Variants in UBE2N observed in about 807,000 individuals in gnomAD.
UBE2N encodes the protein ubiquitin-conjugating enzyme E2 N.
For missense variants in UBE2N, 60 were observed against 192.1 expected (o/e 0.31, Z 4.07); for synonymous variants, 70 against 69.2 (o/e 1.01, Z -0.06).
intron 1 of UBE2N, among the ~76,000 whole-genome samples, chr12:93,440,593 C>A (rs1879069533): frequency 1.3e-5 from 2 of 152,194 alleles, no homozygotes; most frequent in Non-Finnish European, 2.9e-5. Flanking sequence ...ACTTAGTATG[C>A]ATCTCCCCAC....
intron 1 of UBE2N, chr12:93,429,281 AAG>A: frequency 4.7e-6 from 2 of 423,706 alleles, no homozygotes; most frequent in Non-Finnish European, 9.2e-6. Context: ...AAAAAAAAAA[AAG>A]AAAGAAAGAA....
intron 1 of UBE2N, among the ~76,000 whole-genome samples, chr12:93,425,090 G>A (rs369764355): frequency 1.7e-4 from 26 of 152,276 alleles, no homozygotes; most frequent in East Asian, 7.7e-4. Context: ...TCAGTATTAC[G>A]TTAGGGTCTG....
intron 1 of UBE2N, among the ~76,000 whole-genome samples, chr12:93,412,677 T>G (rs920099602): frequency 6.6e-6 from 1 of 152,226 alleles, no homozygotes; most frequent in Non-Finnish European, 1.5e-5. Context: ...TCTCACATTC[T>G]GTATTTGTCC....
At chr12:93,433,090 G>A (rs918677402) in intron 1 of UBE2N, among the ~76,000 whole-genome samples, 37 of 151,732 alleles carry the variant, frequency 2.4e-4, no homozygotes, top group African/African-American at 6.3e-4. Context: ...CCACCACCAC[G>A]CCCAGCTAAT....
At chr12:93,434,819 G>GT (rs144759524) in intron 1 of UBE2N, among the ~76,000 whole-genome samples, 6,300 of 152,190 alleles carry the variant, frequency 0.041, 447 homozygotes, top group African/African-American at 0.14. Flanking sequence ...TTTTTTACAA[G>GT]TTTTTTCTTA....
rs1423142378 is a variant in UBE2N, at chr12:93,441,864, C to T, written c.21G>A (p.Arg7=). Residue 7 remains arginine, a synonymous_variant, in exon 1 of 4, where the codon AGG becomes AGA. Coordinates refer to ENST00000318066, the MANE Select transcript of UBE2N (RefSeq NM_003348.4). ...CGGCCTGGGCGGTTACCTTGATGAT[C>T]CTGCGGGGCAGCCCGGCCATCTTGT... MAGLPR[R]IIKETQRLLA... The T allele has an allele frequency of 6.3e-7, 1 of 1,578,840 alleles. No homozygotes were observed. Among genetic ancestry groups the T allele is most frequent in the Non-Finnish European group, 8.6e-7 (1 of 1,165,180 alleles).
intron 1 of UBE2N, among the ~76,000 whole-genome samples, chr12:93,420,331 CCAGATCAATATTTCTG>C (rs1268608657): frequency 1.3e-5 from 2 of 152,110 alleles, no homozygotes; most frequent in African/African-American, 4.8e-5. Flanking sequence ...CAAACCTAGA[CCAGATCAATATTTCTG>C]TGAAGCTCAG....
rs150080739 is a variant in UBE2N at position 93,406,580 on chromosome 12, G to A, written c.*3459C>T. 1.9e-3 allele frequency: 283 copies of A among 152,296 alleles called. No individual in the cohort carries two copies. Among genetic ancestry groups the A allele is most frequent in the Admixed American group, 4.3e-3 (66 of 15,294 alleles). The allele number at this position is 152,296 out of a possible 1,614,324, so 9.4% of individuals were successfully genotyped here. A position where few individuals can be genotyped will look rare whatever the true frequency, so the allele number is the denominator to read the frequency against. On this transcript the variant is annotated 3_prime_UTR_variant, in exon 4 of 4. Transcript: ENST00000318066. ...CTCCATATCCATGGGTTCCACTTCC[G>A]TGGATTCAAACAACCAGACAAAATA... is the stretch of plus-strand genomic sequence containing the variant.
At chr12:93,417,628 T>C (rs1167985437) in intron 1 of UBE2N, among the ~76,000 whole-genome samples, 1 of 152,204 alleles carries the variant, frequency 6.6e-6, no homozygotes, top group Non-Finnish European at 1.5e-5. Flanking sequence ...ACCAGTAATA[T>C]CAACTGTAGA....
chr12:93,434,547 C>T (rs1188874415), intron 1 of UBE2N, among the ~76,000 whole-genome samples: 2 of 152,180 alleles, frequency 1.3e-5, no homozygotes, highest in Non-Finnish European at 1.5e-5. Context: ...TTCAGTTATG[C>T]TCACATTTCA....
intron 1 of UBE2N, among the ~76,000 whole-genome samples, chr12:93,426,813 A>C (rs781083358): frequency 1.2e-4 from 18 of 152,060 alleles, no homozygotes; most frequent in Admixed American, 2.6e-4. Context: ...AGGGAGTGTT[A>C]AGGGAAAACT....
chr12:93,441,708 C>A, intron 1 of UBE2N, 147 bp downstream of exon 1: 1 of 1,110,360 alleles, frequency 9.0e-7, no homozygotes, highest in Non-Finnish European at 1.2e-6. Flanking sequence ...CACCCGACTT[C>A]CCTCGCCGCC....
Position 93,405,693 on chromosome 12 carries a change from T to C in UBE2N, c.*4346A>G, listed in dbSNP as rs1476625801. ...AACAATATATTACTAGTCCAGGTGG[T>C]AGATGACAGATTTTTATTATTTACA... is the stretch of plus-strand genomic sequence containing the variant. On this transcript the variant is annotated 3_prime_UTR_variant, in exon 4 of 4. Coordinates refer to ENST00000318066, the MANE Select transcript of UBE2N (RefSeq NM_003348.4). The C allele has an allele frequency of 6.6e-6, 1 of 152,322 alleles. No homozygotes were observed. The allele number at this position is 152,322 out of a possible 1,614,324, so 9.4% of individuals were successfully genotyped here.
At chr12:93,425,985 G>GA (rs1878567993) in intron 1 of UBE2N, among the ~76,000 whole-genome samples, 1 of 152,172 alleles carries the variant, frequency 6.6e-6, no homozygotes, top group African/African-American at 2.4e-5. Flanking sequence ...GTTTTGGGAA[G>GA]AATCTGAAAT....
chr12:93,413,655 C>A (rs1878103540), intron 1 of UBE2N, among the ~76,000 whole-genome samples: 1 of 152,156 alleles, frequency 6.6e-6, no homozygotes, highest in Non-Finnish European at 1.5e-5. Context: ...CCTTCATATG[C>A]CACACACATC....
intron 1 of UBE2N, among the ~76,000 whole-genome samples, chr12:93,423,953 C>G (rs1229850118): frequency 6.6e-6 from 1 of 152,122 alleles, no homozygotes; most frequent in Non-Finnish European, 1.5e-5. Context: ...GCTTTTTTCC[C>G]AAGTTTTTTT....
chr12:93,427,491 G>A (rs1481112074), intron 1 of UBE2N, among the ~76,000 whole-genome samples: 2 of 152,158 alleles, frequency 1.3e-5, no homozygotes, highest in African/African-American at 2.4e-5. Context: ...AATGAAAGAA[G>A]CCAGAAAGAA....
chr12:93,439,474 C>A (rs1879037607), intron 1 of UBE2N, among the ~76,000 whole-genome samples: 1 of 152,050 alleles, frequency 6.6e-6, no homozygotes, highest in Non-Finnish European at 1.5e-5. Context: ...TGAGACGAGT[C>A]TCAAGAAAAG....
chr12:93,423,399 G>A (rs947070259), intron 1 of UBE2N, among the ~76,000 whole-genome samples: 3 of 152,308 alleles, frequency 2.0e-5, no homozygotes, highest in South Asian at 2.1e-4. Context: ...TTGGGGGCTG[G>A]TAAATACGTT....
Sources: gnomAD v4.1 joint callset for allele counts (sites outside exome capture counted in the v4.1 genomes callset) on GRCh38, gnomAD v4.1.1 for gene constraint, MANE v1.5 for transcripts, NCBI Gene and HGNC (gene_info 2026-07-23, HGNC 2026-07-21) for gene names.